Variants in RBFOX1 observed in about 807,000 individuals in gnomAD.
RBFOX1 encodes RNA binding protein fox-1 homolog 1.
RBFOX1 carries 8 observed loss-of-function variants against 57.7 expected under a neutral mutation model. That is an observed-to-expected ratio of 0.14 (90% CI 0.08 to 0.25). The LOEUF is 0.25. Among genes scored for constraint, RBFOX1 ranks in the 10% least tolerant of loss-of-function variants. The pLI, the probability that RBFOX1 is intolerant of heterozygous loss-of-function variation, is 1.00. For missense variants in RBFOX1, 611 were observed against 548.5 expected, an observed-to-expected ratio of 1.11 and a Z score of -1.14; for synonymous variants, 326 against 222.4, an observed-to-expected ratio of 1.47 and a Z score of -4.15.
intron 3 of RBFOX1, among the ~76,000 whole-genome samples, chr16:6,943,658 A>C (rs185691142): frequency 7.7e-4 from 117 of 151,902 alleles, no homozygotes; most frequent in South Asian, 1.2e-3. Flanking sequence ...CAGTGAGCCA[A>C]GATTGCGTCA....
At chr16:6,111,658 G>C in intron 1 of RBFOX1, among the ~76,000 whole-genome samples, 1 of 152,212 alleles carries the variant, frequency 6.6e-6, no homozygotes, top group Non-Finnish European at 1.5e-5. Flanking sequence ...GATAGGAGAA[G>C]ACTGTGATGA....
intron 4 of RBFOX1, among the ~76,000 whole-genome samples, chr16:7,412,570 G>A (rs538919214): frequency 2.0e-4 from 31 of 152,228 alleles, no homozygotes; most frequent in African/African-American, 7.5e-4. Flanking sequence ...AAAAAATATG[G>A]ACTAATCAAA....
chr16:7,182,083 G>T (rs188359713), intron 4 of RBFOX1, among the ~76,000 whole-genome samples: 430 of 152,298 alleles, frequency 2.8e-3, no homozygotes, highest in Non-Finnish European at 5.0e-3. Flanking sequence ...GTCTTCAGAA[G>T]CTTGTTCATG....
At chr16:6,546,719 T>G (rs1048865075) in intron 2 of RBFOX1, among the ~76,000 whole-genome samples, 1 of 152,172 alleles carries the variant, frequency 6.6e-6, no homozygotes, top group African/African-American at 2.4e-5. Context: ...ACCAGGTACC[T>G]GAGGTTAAGG....
At chr16:7,250,516 T>C (rs1413689203) in intron 4 of RBFOX1, among the ~76,000 whole-genome samples, 2 of 152,344 alleles carry the variant, frequency 1.3e-5, no homozygotes, top group Non-Finnish European at 2.9e-5. Flanking sequence ...ACCTTGTCTC[T>C]GCTTTAGTTA....
chr16:7,694,175 T>C (rs2078071908), intron 14 of RBFOX1, among the ~76,000 whole-genome samples: 1 of 152,170 alleles, frequency 6.6e-6, no homozygotes, highest in Non-Finnish European at 1.5e-5. Flanking sequence ...AAACAATCAC[T>C]AGGAAGTCTT....
intron 1 of RBFOX1, among the ~76,000 whole-genome samples, chr16:6,055,282 G>T (rs1278918734): frequency 6.6e-6 from 1 of 152,048 alleles, no homozygotes; most frequent in Admixed American, 6.6e-5. Context: ...GACATGCAAG[G>T]ATTTGGAGAT....
chr16:7,630,230 A>T (rs1005013235), intron 10 of RBFOX1, among the ~76,000 whole-genome samples: 2 of 151,982 alleles, frequency 1.3e-5, no homozygotes, highest in Non-Finnish European at 2.9e-5. Context: ...ACTTGCCAAG[A>T]TCACACAGTG....
At chr16:6,648,386 T>A (rs942452388) in intron 2 of RBFOX1, among the ~76,000 whole-genome samples, 1 of 91,934 alleles carries the variant, frequency 1.1e-5, no homozygotes, top group African/African-American at 4.6e-5. Context: ...CTTGCTGGGG[T>A]TGCAGACTCC....
chr16:6,999,216 A>T lies in RBFOX1; in HGVS notation c.-15-52841A>T, dbSNP rs891035013. On this transcript the variant is annotated intron_variant, in intron 3 of 15. Coordinates refer to ENST00000550418, the MANE Select transcript of RBFOX1 (RefSeq NM_018723.4). ...TTTATTTTATTTTTTATTTTTATTT[A>T]TTTTTTTTATTTATTTTTTTTTTTA... 3.1e-3 allele frequency among the ~76,000 whole-genome samples: 335 copies of T among 108,610 alleles called. 4 individuals carry two copies. Among genetic ancestry groups the T allele is most frequent in the Middle Eastern group, 9.1e-3 (2 of 220 alleles). The allele number at this position is 108,610 out of a possible 152,430, so 71.3% of individuals were successfully genotyped here. A position where few individuals can be genotyped will look rare whatever the true frequency, so the allele number is the denominator to read the frequency against.
chr16:6,908,269 C>T (rs1354867714), intron 3 of RBFOX1, among the ~76,000 whole-genome samples: 1 of 151,750 alleles, frequency 6.6e-6, no homozygotes, highest in Non-Finnish European at 1.5e-5. Flanking sequence ...CGGGTGTCCT[C>T]TCCTGCGGCT....
intron 4 of RBFOX1, among the ~76,000 whole-genome samples, chr16:7,201,361 T>C (rs192552731): frequency 6.6e-6 from 1 of 152,112 alleles, no homozygotes. Flanking sequence ...GTGTCTCCTA[T>C]TGTGGGCTAT....
chr16:6,644,891 T>C (rs527369914), intron 2 of RBFOX1, among the ~76,000 whole-genome samples: 2 of 152,308 alleles, frequency 1.3e-5, no homozygotes, highest in South Asian at 2.1e-4. Flanking sequence ...GCAAGAGAGA[T>C]CAGCACAAAG....
At chr16:5,523,468 T>G (rs1366037296) in intron 2 of RBFOX1, among the ~76,000 whole-genome samples, 5 of 151,674 alleles carry the variant, frequency 3.3e-5, no homozygotes, top group African/African-American at 1.2e-4. Flanking sequence ...TAAAAAAAAT[T>G]AGCCAGGTGT....
intron 3 of RBFOX1, among the ~76,000 whole-genome samples, chr16:6,760,542 T>C (rs1319425193): frequency 6.6e-6 from 1 of 152,190 alleles, no homozygotes; most frequent in Non-Finnish European, 1.5e-5. Flanking sequence ...GTAAATGCTT[T>C]TGGAAGGAAT....
chr16:5,660,668 A>G (rs898916951), intron 3 of RBFOX1, among the ~76,000 whole-genome samples: 6 of 151,954 alleles, frequency 3.9e-5, no homozygotes, highest in African/African-American at 7.3e-5. Context: ...TATATTTTCC[A>G]TAGAGATAAA....
At chr16:7,500,971 G>A (rs1190109799) in intron 4 of RBFOX1, among the ~76,000 whole-genome samples, 2 of 152,090 alleles carry the variant, frequency 1.3e-5, no homozygotes, top group African/African-American at 4.8e-5. Flanking sequence ...TGCTTTGCTC[G>A]GCCCTTGTCC....
At chr16:7,691,260 TTGAAGAGGG>T (rs1176087474) in intron 14 of RBFOX1, among the ~76,000 whole-genome samples, 1 of 152,044 alleles carries the variant, frequency 6.6e-6, no homozygotes, top group East Asian at 1.9e-4. Context: ...GCCAACTCTT[TTGAAGAGGG>T]TGAGTTGTCA....
chr16:7,165,278 G>A (rs1001405595), intron 4 of RBFOX1, among the ~76,000 whole-genome samples: 55 of 151,996 alleles, frequency 3.6e-4, no homozygotes, highest in African/African-American at 1.3e-3. Context: ...AGGGGGCAGA[G>A]AGGGTGACAC....
Sources: allele counts gnomAD v4.1 joint callset (sites outside exome capture counted in the v4.1 genomes callset), GRCh38; gene constraint gnomAD v4.1.1; transcripts MANE v1.5; gene names NCBI Gene and HGNC (gene_info 2026-07-23, HGNC 2026-07-21).